FGF12: variants seen among roughly 807,000 people sequenced by gnomAD.
FGF12 encodes the protein fibroblast growth factor 12.
A neutral mutation model predicts 23.6 loss-of-function variants in FGF12; 14 were observed. That is an observed-to-expected ratio of 0.59 (90% CI 0.39 to 0.93). The LOEUF is 0.93. FGF12 is among the 40% of genes least tolerant of loss of function. The pLI, the probability that FGF12 is intolerant of heterozygous loss-of-function variation, is 0.00. For missense variants in FGF12, 175 were observed against 217.8 expected (o/e 0.80, Z 1.24); for synonymous variants, 62 against 77.3 (o/e 0.80, Z 1.04).
At chr3:192,349,710 A>G (rs1027949390) in intron 3 of FGF12, among the ~76,000 whole-genome samples, 1 of 152,010 alleles carries the variant, frequency 6.6e-6, no homozygotes, top group Non-Finnish European at 1.5e-5. Context: ...TTTTCTTCCT[A>G]TTTTCAAAAT....
chr3:192,317,483 A>C (rs955837194), intron 4 of FGF12, among the ~76,000 whole-genome samples: 5 of 152,004 alleles, frequency 3.3e-5, no homozygotes, highest in Non-Finnish European at 7.4e-5. Flanking sequence ...TGGCCACAGG[A>C]AGAGACTCTC....
At chr3:192,568,548 T>C (rs1332833861) in intron 2 of FGF12, among the ~76,000 whole-genome samples, 1 of 152,196 alleles carries the variant, frequency 6.6e-6, no homozygotes, top group Non-Finnish European at 1.5e-5. Flanking sequence ...TAAGAGGAAA[T>C]GAACAGTAAG....
chr3:192,489,428 C>A (rs1217601516), intron 2 of FGF12, among the ~76,000 whole-genome samples: 1 of 151,976 alleles, frequency 6.6e-6, no homozygotes. Flanking sequence ...CTATCTAAAT[C>A]CATTTCTTTT....
At chr3:192,414,172 G>C (rs1721278091) in intron 2 of FGF12, among the ~76,000 whole-genome samples, 1 of 152,150 alleles carries the variant, frequency 6.6e-6, no homozygotes, top group Non-Finnish European at 1.5e-5. Context: ...TAGGTATTTT[G>C]ATAAGAAACA....
intron 2 of FGF12, among the ~76,000 whole-genome samples, chr3:192,402,407 G>A (rs543645917): frequency 4.6e-5 from 7 of 152,302 alleles, no homozygotes; most frequent in South Asian, 2.1e-4. Context: ...ATCTCCATCA[G>A]CTTTCCACTT....
intron 4 of FGF12, among the ~76,000 whole-genome samples, chr3:192,306,273 A>G (rs1715647954): frequency 1.3e-5 from 2 of 152,312 alleles, no homozygotes; most frequent in South Asian, 4.1e-4. Flanking sequence ...AAATTCTTAC[A>G]CAAATCCATC....
intron 4 of FGF12, among the ~76,000 whole-genome samples, chr3:192,326,609 G>A (rs1314536092): frequency 6.6e-6 from 1 of 152,164 alleles, no homozygotes; most frequent in Admixed American, 6.6e-5. Flanking sequence ...CAGAGGACAT[G>A]CATCAATCAA....
At chr3:192,290,457 A>G (rs936943289) in intron 4 of FGF12, among the ~76,000 whole-genome samples, 13 of 152,160 alleles carry the variant, frequency 8.5e-5, no homozygotes, top group Non-Finnish European at 1.6e-4. Context: ...AAGAAGGGGA[A>G]GTTGTAGGAG....
In FGF12 at chr3:192,167,765, ATATAAAATTTT is replaced by A. The variant is rs1474288019; in HGVS notation, c.427+2682_427+2692del. On this transcript the variant is annotated intron_variant, in intron 5 of 5. Transcript: ENST00000445105. ...TATATATATATATATATATATATAT[ATATAAAATTTT>A]TTTTTTTTTTTTTTTTTGAGAAAGA... is the stretch of plus-strand genomic sequence containing the variant. Among the ~76,000 whole-genome samples, 233 of 32,368 alleles carry A rather than the reference ATATAAAATTTT, an allele frequency of 7.2e-3. 12 individuals are homozygous for A. Among genetic ancestry groups the A allele is most frequent in the Middle Eastern group, 0.033 (2 of 60 alleles). The allele number at this position is 32,368 out of a possible 152,430, so 21.2% of individuals were successfully genotyped here.
At chr3:192,535,714 G>A (rs1577041498) in intron 2 of FGF12, among the ~76,000 whole-genome samples, 1 of 152,286 alleles carries the variant, frequency 6.6e-6, no homozygotes, top group East Asian at 1.9e-4. Flanking sequence ...ACAACTTGCT[G>A]GTGGTTGGGG....
In FGF12 at chr3:192,229,827, A is replaced by G. The variant is rs1718929645; in HGVS notation, c.229-59171T>C. Among the ~76,000 whole-genome samples the G allele has an allele frequency of 2.6e-5, 4 of 152,130 alleles. No homozygotes were observed. In the South Asian group the frequency reaches 8.3e-4, roughly 31 times the overall value. ...ATCCGAAAAACAAAGCTCTTGCACT[A>G]TGTTTACTAATTAGAGGTTCATACA... On this transcript the variant is annotated intron_variant, in intron 4 of 5. Transcript: ENST00000445105.
intron 4 of FGF12, among the ~76,000 whole-genome samples, chr3:192,229,805 C>T (rs557430683): frequency 2.6e-5 from 4 of 152,080 alleles, no homozygotes; most frequent in East Asian, 3.9e-4. Context: ...TCATGGAATC[C>T]GAAAAACAAA....
At chr3:192,459,879 G>C (rs919658151) in intron 2 of FGF12, among the ~76,000 whole-genome samples, 9 of 151,928 alleles carry the variant, frequency 5.9e-5, no homozygotes. Context: ...GCGTGTGTGT[G>C]TGAGAGGGAG....
At chr3:192,209,608 C>T (rs902559766) in intron 4 of FGF12, among the ~76,000 whole-genome samples, 1 of 152,116 alleles carries the variant, frequency 6.6e-6, no homozygotes, top group Non-Finnish European at 1.5e-5. Context: ...TCTAGCTTCA[C>T]AAATAATGAT....
chr3:192,510,590 T>C (rs1293333492), intron 2 of FGF12, among the ~76,000 whole-genome samples: 1 of 152,204 alleles, frequency 6.6e-6, no homozygotes, highest in Non-Finnish European at 1.5e-5. Flanking sequence ...ACACTGTTGC[T>C]ATACAATCCA....
At chr3:192,511,222 TACAC>T (rs5855433) in intron 2 of FGF12, among the ~76,000 whole-genome samples, 8,576 of 149,574 alleles carry the variant, frequency 0.057, 283 homozygotes, top group Non-Finnish European at 0.075. Flanking sequence ...CAATTGTGTG[TACAC>T]ACACACACAC....
At chr3:192,269,064 G>A (rs1480026944) in intron 4 of FGF12, among the ~76,000 whole-genome samples, 1 of 151,972 alleles carries the variant, frequency 6.6e-6, no homozygotes, top group Non-Finnish European at 1.5e-5. Flanking sequence ...ACAGGCGTGT[G>A]CCACCACGCC....
chr3:192,465,132 G>A lies in FGF12; in HGVS notation c.14-104594C>T, dbSNP rs28458929. ...GGGGCAGATTAAATCCCAATTATTT[G>A]TTAAAAACTTATAGAAGAATTTTTA... is the stretch of plus-strand genomic sequence containing the variant. On this transcript the variant is annotated intron_variant, in intron 2 of 5. Coordinates refer to ENST00000445105, the MANE Select transcript of FGF12 (RefSeq NM_004113.6). Among the ~76,000 whole-genome samples, 1,341 of 152,210 alleles carry A rather than the reference G, an allele frequency of 8.8e-3. 18 individuals carry two copies. The highest frequency in any genetic ancestry group is 0.03 in the African/African-American group (1,229 of 41,522).
chr3:192,144,156 A>G, intron 5 of FGF12, 29 bp from the exon 6 acceptor site: 1 of 1,310,260 alleles, frequency 7.6e-7, no homozygotes, highest in East Asian at 2.4e-5. Context: ...AAAATTACTT[A>G]TGACAGTGGA....
Sources: allele counts gnomAD v4.1 joint callset (sites outside exome capture counted in the v4.1 genomes callset), GRCh38; gene constraint gnomAD v4.1.1; transcripts MANE v1.5; gene names NCBI Gene and HGNC (gene_info 2026-07-23, HGNC 2026-07-21).